IQCM: variants seen among roughly 807,000 people sequenced by gnomAD.
IQCM encodes the protein IQ domain-containing protein M.
IQCM carries 45 observed loss-of-function variants against 57.6 expected under a neutral mutation model. The ratio of observed to expected loss-of-function variants is 0.78; its 90% CI spans 0.62 to 1.00. The LOEUF (loss-of-function observed/expected upper bound fraction) is 1.00, where lower values mean the gene tolerates loss of function less well. IQCM is among the 50% of genes least tolerant of loss of function. The pLI is 0.00. For synonymous variants in IQCM, 148 were observed against 158.9 expected, an observed-to-expected ratio of 0.93 and a Z score of 0.51; for missense variants, 468 against 511.6, an observed-to-expected ratio of 0.91 and a Z score of 0.82.
chr4:149,493,122 C>T lies in IQCM; in HGVS notation c.1228+55333G>A, dbSNP rs144534435. Among the ~76,000 whole-genome samples, 826 of 152,216 alleles carry T rather than the reference C, an allele frequency of 5.4e-3. 9 individuals carry two copies. The highest frequency in any genetic ancestry group is 0.019 in the African/African-American group (783 of 41,558). On this transcript the variant is annotated intron_variant, in intron 12 of 13. Transcript: ENST00000636793. ...GTTAACCAGGATCACCCATGATCCC[C>T]AAATGCAACTAACTCATCCAGAAAA...
intron 2 of IQCM, among the ~76,000 whole-genome samples, chr4:149,813,245 G>A (rs1252214930): frequency 1.3e-5 from 2 of 151,924 alleles, no homozygotes; most frequent in East Asian, 3.9e-4. Flanking sequence ...CAGATCTATC[G>A]TCTGAAAGAG....
chr4:149,671,579 A>G (rs910488891), intron 7 of IQCM, among the ~76,000 whole-genome samples: 2 of 152,034 alleles, frequency 1.3e-5, no homozygotes, highest in Non-Finnish European at 2.9e-5. Context: ...TAGGGTGTCA[A>G]TTTTAGATCT....
At chr4:149,678,723 T>G (rs1422854447) in intron 7 of IQCM, among the ~76,000 whole-genome samples, 1 of 151,532 alleles carries the variant, frequency 6.6e-6, no homozygotes, top group African/African-American at 2.4e-5. Context: ...CAATAATAGC[T>G]AGATTGACCT....
chr4:149,568,056 C>A (rs1750798299), intron 9 of IQCM, among the ~76,000 whole-genome samples: 1 of 152,136 alleles, frequency 6.6e-6, no homozygotes, highest in Admixed American at 6.6e-5. Flanking sequence ...CAATAAGGCA[C>A]ATCCTGGGGC....
intron 7 of IQCM, among the ~76,000 whole-genome samples, chr4:149,636,736 G>GGTTAAATAAA (rs1487548875): frequency 6.6e-6 from 1 of 152,182 alleles, no homozygotes; most frequent in African/African-American, 2.4e-5. Context: ...ATAAGAAAAT[G>GGTTAAATAAA]ATAAGTAGAC....
intron 13 of IQCM, among the ~76,000 whole-genome samples, chr4:149,394,640 T>C (rs901122016): frequency 2.0e-5 from 3 of 151,780 alleles, no homozygotes; most frequent in Non-Finnish European, 2.9e-5. Context: ...GCCTCCAGGG[T>C]GCTTGCCACA....
At chr4:149,545,881 C>T (rs977195773) in intron 12 of IQCM, among the ~76,000 whole-genome samples, 1 of 151,988 alleles carries the variant, frequency 6.6e-6, no homozygotes, top group Non-Finnish European at 1.5e-5. Flanking sequence ...AGGTTTGTCA[C>T]ATATGTATAC....
At chr4:149,422,926 G>C (rs572760900) in intron 13 of IQCM, among the ~76,000 whole-genome samples, 2 of 152,056 alleles carry the variant, frequency 1.3e-5, no homozygotes, top group South Asian at 4.2e-4. Context: ...TGCTTGGTTT[G>C]CAATTTTACA....
At chr4:149,358,520 G>T (rs549096747) in intron 13 of IQCM, among the ~76,000 whole-genome samples, 10 of 152,210 alleles carry the variant, frequency 6.6e-5, no homozygotes, top group Non-Finnish European at 1.0e-4. Flanking sequence ...AGTCATTCAG[G>T]AGCAGGTTGT....
At chr4:149,353,603 T>G (rs1728724387) in intron 13 of IQCM, among the ~76,000 whole-genome samples, 1 of 152,124 alleles carries the variant, frequency 6.6e-6, no homozygotes. Context: ...TTATTCAGCC[T>G]TAAGAAGAAG....
At chr4:149,706,159 C>T (rs953235186) in intron 5 of IQCM, among the ~76,000 whole-genome samples, 6 of 151,928 alleles carry the variant, frequency 3.9e-5, no homozygotes, top group African/African-American at 1.4e-4. Flanking sequence ...ATTCGTGTGA[C>T]AAACTAGCTT....
intron 8 of IQCM, among the ~76,000 whole-genome samples, chr4:149,591,607 C>A (rs1753180465): frequency 6.6e-6 from 1 of 151,998 alleles, no homozygotes. Flanking sequence ...CCCCTCTCCT[C>A]CCACCCCACG....
chr4:149,669,634 A>G (rs912748458), intron 7 of IQCM, among the ~76,000 whole-genome samples: 4 of 152,120 alleles, frequency 2.6e-5, no homozygotes, highest in African/African-American at 9.7e-5. Context: ...TCTTTAATCC[A>G]TCTTGAATTA....
At chr4:149,778,381 AAAAAG>A (rs920210084) in intron 2 of IQCM, among the ~76,000 whole-genome samples, 2 of 152,184 alleles carry the variant, frequency 1.3e-5, no homozygotes, top group Admixed American at 6.5e-5. Context: ...GTCTTAAAAA[AAAAAG>A]AAAAGAAAAA....
chr4:149,514,515 A>G (rs1228852133), intron 12 of IQCM: 1 of 152,200 alleles, frequency 6.6e-6, no homozygotes, highest in Non-Finnish European at 1.5e-5. Context: ...GATGAAAAGC[A>G]TTTACTTACC....
chr4:149,536,441 C>T (rs1747304210), intron 12 of IQCM, among the ~76,000 whole-genome samples: 1 of 151,960 alleles, frequency 6.6e-6, no homozygotes, highest in African/African-American at 2.4e-5. Context: ...TATCTCTCTT[C>T]TATGTGTTAA....
chr4:149,687,623 C>CA (rs1222956874), intron 5 of IQCM, among the ~76,000 whole-genome samples: 2 of 151,386 alleles, frequency 1.3e-5, no homozygotes, highest in African/African-American at 4.8e-5. Flanking sequence ...ACCCTACTAA[C>CA]AAAACCAGGA....
chr4:149,360,844 T>C (rs1182814518), intron 13 of IQCM, among the ~76,000 whole-genome samples: 1 of 152,122 alleles, frequency 6.6e-6, no homozygotes, highest in Non-Finnish European at 1.5e-5. Flanking sequence ...TGGGGCATTG[T>C]TGAAAAGATA....
chr4:149,722,825 A>G (rs536818274), intron 5 of IQCM, among the ~76,000 whole-genome samples: 76 of 148,658 alleles, frequency 5.1e-4, no homozygotes, highest in African/African-American at 1.4e-3. Flanking sequence ...ATTCTGTGGG[A>G]AAAAAAAGAT....
Sources: gnomAD v4.1 joint callset for allele counts (sites outside exome capture counted in the v4.1 genomes callset) on GRCh38, gnomAD v4.1.1 for gene constraint, MANE v1.5 for transcripts, NCBI Gene and HGNC (gene_info 2026-07-23, HGNC 2026-07-21) for gene names.